The following RUNX1 variants were observed in gnomAD, a reference collection of about 807,000 sequenced individuals.
The protein encoded by RUNX1 is runt-related transcription factor 1.
Under a neutral mutation model 42.8 loss-of-function variants are expected in RUNX1, and 19 were observed. That is an observed-to-expected ratio of 0.44 (90% CI 0.31 to 0.65). The LOEUF is 0.65. RUNX1 is among the 30% of genes least tolerant of loss of function. The probability of loss-of-function intolerance (pLI) is 0.07; values close to 1 mark genes in which losing one functional copy is unlikely to be tolerated. For missense variants in RUNX1, 528 were observed against 672.0 expected (o/e 0.79, Z 2.37); for synonymous variants, 271 against 289.4 (o/e 0.94, Z 0.64).
In RUNX1 at chr21:34,878,844, A is replaced by G. The variant is rs142334470; in HGVS notation, c.508+1713T>C. Among the ~76,000 whole-genome samples, 75 of 152,352 alleles carry G rather than the reference A, an allele frequency of 4.9e-4. No individual in the cohort carries two copies. In the South Asian group the frequency reaches 7.5e-3, roughly 15 times the overall value. On this transcript the variant is annotated intron_variant, in intron 5 of 8. Transcript: ENST00000675419. ...CACTGGTTTACTGTGCATTGCCGGA[A>G]AGCCACTACTGAACTTCTTGTGGGA...
chr21:34,847,485 T>G (rs1244315814), intron 6 of RUNX1, among the ~76,000 whole-genome samples: 1 of 152,010 alleles, frequency 6.6e-6, no homozygotes, highest in South Asian at 2.1e-4. Flanking sequence ...AATAATAGAT[T>G]TTCTATTTTT....
intron 2 of RUNX1, among the ~76,000 whole-genome samples, chr21:35,041,132 CT>C (rs1470823352): frequency 6.6e-6 from 1 of 152,178 alleles, no homozygotes; most frequent in Non-Finnish European, 1.5e-5. Flanking sequence ...AGCAAAGTTT[CT>C]TTTGAGAAGT....
chr21:35,002,208 T>C (rs916715680), intron 2 of RUNX1, among the ~76,000 whole-genome samples: 3 of 151,798 alleles, frequency 2.0e-5, no homozygotes, highest in Non-Finnish European at 4.4e-5. Flanking sequence ...CCTGGTGTGC[T>C]CCTGAGTCAG....
intron 7 of RUNX1, among the ~76,000 whole-genome samples, chr21:34,827,431 G>A (rs1418512177): frequency 2.0e-5 from 3 of 152,204 alleles, no homozygotes; most frequent in African/African-American, 7.2e-5. Context: ...AGTGTATTTG[G>A]AAGAGAGTAC....
At chr21:35,021,535 A>C (rs1173754861) in intron 2 of RUNX1, among the ~76,000 whole-genome samples, 1 of 152,252 alleles carries the variant, frequency 6.6e-6, no homozygotes, top group Non-Finnish European at 1.5e-5. Context: ...TGAGCTAAAC[A>C]TTACTATCTT....
intron 7 of RUNX1, among the ~76,000 whole-genome samples, chr21:34,828,795 TA>T (rs1352137904): frequency 2.6e-5 from 4 of 152,222 alleles, no homozygotes; most frequent in Admixed American, 2.0e-4. Context: ...CCCTTCCACC[TA>T]TCTGCCATGG....
intron 7 of RUNX1, among the ~76,000 whole-genome samples, chr21:34,821,111 A>G (rs778075198): frequency 6.6e-6 from 1 of 152,186 alleles, no homozygotes; most frequent in Non-Finnish European, 1.5e-5. Context: ...ACTCAAATGA[A>G]AATACCACTA....
At position 34,878,723 on chromosome 21, in the gene RUNX1, C is replaced by T. The variant is rs146539970; in HGVS notation, c.508+1834G>A. ...GTAAACACAAGCACCTATTAGTCAC[C>T]CACTCAAAACAGAAATGGTCAATGA... On this transcript the variant is annotated intron_variant, in intron 5 of 8. Coordinates refer to ENST00000675419, the MANE Select transcript of RUNX1 (RefSeq NM_001754.5). Among the ~76,000 whole-genome samples, 721 of 152,164 alleles carry T rather than the reference C, an allele frequency of 4.7e-3. 7 individuals carry two copies. Among genetic ancestry groups the T allele is most frequent in the Non-Finnish European group, 7.7e-3 (527 of 68,004 alleles).
At chr21:34,981,471 C>A (rs2058846076) in intron 2 of RUNX1, among the ~76,000 whole-genome samples, 1 of 152,118 alleles carries the variant, frequency 6.6e-6, no homozygotes, top group Admixed American at 6.5e-5. Context: ...TTCTAGAAGC[C>A]TGGTGCCAAG....
chr21:34,840,995 C>T (rs753424029), intron 6 of RUNX1, among the ~76,000 whole-genome samples: 3 of 152,150 alleles, frequency 2.0e-5, no homozygotes, highest in Non-Finnish European at 4.4e-5. Flanking sequence ...TTAAACACAC[C>T]TTAAAATTTG....
chr21:35,029,745 G>C (rs1179644885), intron 2 of RUNX1, among the ~76,000 whole-genome samples: 4 of 152,100 alleles, frequency 2.6e-5, no homozygotes, highest in Admixed American at 1.3e-4. Flanking sequence ...TGGGCTTCTG[G>C]CATGGTTCTA....
chr21:35,017,391 G>A (rs1319060322), intron 2 of RUNX1, among the ~76,000 whole-genome samples: 1 of 152,110 alleles, frequency 6.6e-6, no homozygotes, highest in Non-Finnish European at 1.5e-5. Context: ...AAAGGAGAGT[G>A]GGGGGACAAT....
At position 34,887,242 on chromosome 21, in the gene RUNX1, T is replaced by TGG. The variant is rs3833348; in HGVS notation, c.98-148_98-147dup. 0.022 allele frequency: 6,472 copies of TGG among 297,720 alleles called. 17 individuals carry two copies. Among genetic ancestry groups the TGG allele is most frequent in the Middle Eastern group, 0.081 (54 of 666 alleles). 18.4% of individuals were successfully genotyped at this position (297,720 alleles called of 1,614,324 possible). A position where few individuals can be genotyped will look rare whatever the true frequency, so the allele number is the denominator to read the frequency against. ...CAGGGGCCTTTATTACTGCGGGGGG[T>TGG]GGGGGGGGGCGGGGGTGGTTAGGGG... On this transcript the variant is annotated intron_variant, in intron 3 of 8. Coordinates refer to ENST00000675419, the MANE Select transcript of RUNX1 (RefSeq NM_001754.5).
chr21:34,979,330 C>CT lies in RUNX1; in HGVS notation c.58+69511dup, dbSNP rs11343211. On this transcript the variant is annotated intron_variant, in intron 2 of 8. Coordinates refer to ENST00000675419, the MANE Select transcript of RUNX1 (RefSeq NM_001754.5). Reference sequence around the variant, plus strand: ...TAAGTCATAGTCTTTATAACCAATGCTTTTTTTTTTTGTTTGCATAGGTTG... The same window carrying CT: ...TAAGTCATAGTCTTTATAACCAATGCTTTTTTTTTTTTGTTTGCATAGGTTG... Among the ~76,000 whole-genome samples the CT allele has an allele frequency of 2.2e-3, 324 of 145,982 alleles. 4 individuals are homozygous for CT. Among genetic ancestry groups the CT allele is most frequent in the African/African-American group, 3.7e-3 (148 of 39,978 alleles).
chr21:34,908,170 A>G (rs1329349506), intron 2 of RUNX1, among the ~76,000 whole-genome samples: 2 of 152,190 alleles, frequency 1.3e-5, no homozygotes, highest in African/African-American at 4.8e-5. Flanking sequence ...CACATAAATT[A>G]AACTCCAGCC....
chr21:34,856,158 G>A (rs991683882), intron 6 of RUNX1: 22 of 359,458 alleles, frequency 6.1e-5, no homozygotes, highest in African/African-American at 1.5e-4. Context: ...AAGTTTACCC[G>A]TCGGCATGAA....
At chr21:34,815,990 C>T (rs1226219141) in intron 7 of RUNX1, among the ~76,000 whole-genome samples, 5 of 151,882 alleles carry the variant, frequency 3.3e-5, no homozygotes, top group African/African-American at 1.2e-4. Context: ...CTCCTCATCA[C>T]AAACAAGAAG....
In RUNX1 at chr21:34,870,391, T is replaced by C. The variant is rs2057719900; in HGVS notation, c.508+10166A>G. On this transcript the variant is annotated intron_variant, in intron 5 of 8. Coordinates refer to ENST00000675419, the MANE Select transcript of RUNX1 (RefSeq NM_001754.5). ...GTCAAGTAGCTTGTTCAAGGACAGA[T>C]AGCTCCAAGCCAGTGGTTCTCAACC... Among the ~76,000 whole-genome samples the C allele has an allele frequency of 2.6e-5, 4 of 152,186 alleles. No individual in the cohort carries two copies. The South Asian group carries it at 8.3e-4, about 32-fold the overall frequency.
At chr21:34,878,864 G>C (rs2057854840) in intron 5 of RUNX1, among the ~76,000 whole-genome samples, 1 of 152,194 alleles carries the variant, frequency 6.6e-6, no homozygotes, top group Admixed American at 6.5e-5. Flanking sequence ...TGAACTTCTT[G>C]TGGGAAAATG....
Sources: gnomAD v4.1 joint callset for allele counts (sites outside exome capture counted in the v4.1 genomes callset) on GRCh38, gnomAD v4.1.1 for gene constraint, MANE v1.5 for transcripts, NCBI Gene and HGNC (gene_info 2026-07-23, HGNC 2026-07-21) for gene names.